LY96: variants seen among roughly 807,000 people sequenced by gnomAD.
LY96 encodes myeloid differentiation protein-2.
Under a neutral mutation model 18.9 loss-of-function variants are expected in LY96, and 18 were observed. The ratio of observed to expected loss-of-function variants is 0.95; its 90% CI spans 0.66 to 1.41. LY96 has a LOEUF of 1.41. Among genes scored for constraint, LY96 ranks in the 40% most tolerant of loss-of-function variants. The pLI is 0.00. For synonymous variants in LY96, 66 were observed against 62.6 expected, an observed-to-expected ratio of 1.06 and a Z score of -0.26; for missense variants, 175 against 182.4, an observed-to-expected ratio of 0.96 and a Z score of 0.23.
chr8:74,070,965 A>G, the LY96 span, among the ~76,000 whole-genome samples: 1 of 152,160 alleles, frequency 6.6e-6, no homozygotes, highest in Non-Finnish European at 1.5e-5. Context: ...AGTGTCAAGC[A>G]TTTTACTACA....
the LY96 span, among the ~76,000 whole-genome samples, chr8:74,061,473 G>C: frequency 6.6e-6 from 1 of 152,178 alleles, no homozygotes; most frequent in Non-Finnish European, 1.5e-5. Context: ...TGAATTTTCG[G>C]GGGATGGAGG....
chr8:74,044,620 A>G, the LY96 span, among the ~76,000 whole-genome samples: 1 of 152,162 alleles, frequency 6.6e-6, no homozygotes, highest in African/African-American at 2.4e-5. Context: ...AAGAGGGCAA[A>G]GCAAATGGAG....
chr8:74,051,668 G>T, the LY96 span, among the ~76,000 whole-genome samples: 1 of 152,140 alleles, frequency 6.6e-6, no homozygotes, highest in African/African-American at 2.4e-5. Flanking sequence ...TTATGAATGG[G>T]ATTAGTGCCT....
At chr8:74,088,338 C>T in the LY96 span, among the ~76,000 whole-genome samples, 1 of 152,134 alleles carries the variant, frequency 6.6e-6, no homozygotes, top group Non-Finnish European at 1.5e-5. Context: ...CTCCTTTTTC[C>T]ACCTCTTTGT....
chr8:74,035,845 T>A, the LY96 span, among the ~76,000 whole-genome samples: 5 of 152,342 alleles, frequency 3.3e-5, no homozygotes, highest in Admixed American at 3.3e-4. Context: ...AATCTACCTA[T>A]GACCTGGAAG....
the LY96 span, among the ~76,000 whole-genome samples, chr8:74,036,420 T>A: frequency 6.6e-6 from 1 of 152,170 alleles, no homozygotes; most frequent in African/African-American, 2.4e-5. Flanking sequence ...AAGGTTTGTG[T>A]CTTTCCCAAT....
chr8:74,042,777 T>C, the LY96 span, among the ~76,000 whole-genome samples: 1 of 151,444 alleles, frequency 6.6e-6, no homozygotes, highest in African/African-American at 2.4e-5. Flanking sequence ...TTTTGTTTTG[T>C]TACCTTTTTT....
chr8:74,025,895 C>T (rs1298560691), intron 3 of LY96, among the ~76,000 whole-genome samples: 1 of 152,060 alleles, frequency 6.6e-6, no homozygotes, highest in Non-Finnish European at 1.5e-5. Context: ...GTAATCTCAG[C>T]TACTCAGGAA....
chr8:74,070,399 C>A, the LY96 span, among the ~76,000 whole-genome samples: 2 of 152,204 alleles, frequency 1.3e-5, no homozygotes, highest in African/African-American at 4.8e-5. Flanking sequence ...CCTCCCTTTG[C>A]CAATTTTCAA....
At chr8:74,032,662 G>C (rs1816989656), downstream of LY96, among the ~76,000 whole-genome samples, 1 of 152,140 alleles carries the variant, frequency 6.6e-6, no homozygotes, top group Non-Finnish European at 1.5e-5. Context: ...TCCACAACTT[G>C]GTGTCTGAGG....
chr8:74,047,998 A>C, the LY96 span, among the ~76,000 whole-genome samples: 2 of 152,136 alleles, frequency 1.3e-5, no homozygotes, highest in African/African-American at 4.8e-5. Context: ...TCCTTGGCTC[A>C]AAAAATCCTC....
chr8:74,052,351 G>A, the LY96 span: 1 of 152,212 alleles, frequency 6.6e-6, no homozygotes, highest in Non-Finnish European at 1.5e-5. Flanking sequence ...CTTGGAAGAA[G>A]GGCTGTAACC....
the LY96 span, among the ~76,000 whole-genome samples, chr8:74,036,277 G>T: frequency 6.6e-6 from 1 of 152,188 alleles, no homozygotes; most frequent in African/African-American, 2.4e-5. Flanking sequence ...TATGGGAGGT[G>T]CCTGAATTCT....
chr8:74,090,823 C>G, the LY96 span, among the ~76,000 whole-genome samples: 2 of 152,158 alleles, frequency 1.3e-5, no homozygotes, highest in Admixed American at 1.3e-4. Context: ...ATATATGAAA[C>G]TAACATTTGA....
At chr8:74,020,268 A>T (rs980498286) in intron 3 of LY96, among the ~76,000 whole-genome samples, 9 of 152,206 alleles carry the variant, frequency 5.9e-5, no homozygotes, top group African/African-American at 2.2e-4. Context: ...ATTCCTATAC[A>T]CCAATAACAG....
At chr8:74,098,266 T>A in the LY96 span, among the ~76,000 whole-genome samples, 5 of 152,110 alleles carry the variant, frequency 3.3e-5, no homozygotes, top group East Asian at 9.6e-4. Context: ...GGAAACTGTA[T>A]AAAAAAGTAA....
chr8:74,045,270 A>C, the LY96 span, among the ~76,000 whole-genome samples: 1 of 152,362 alleles, frequency 6.6e-6, no homozygotes, highest in Non-Finnish European at 1.5e-5. Context: ...AAGCTGTTTC[A>C]TGCCTTAACA....
chr8:74,079,885 A>ATG, the LY96 span, among the ~76,000 whole-genome samples: 25 of 151,484 alleles, frequency 1.7e-4, no homozygotes, highest in East Asian at 3.9e-4. Context: ...GACTTAAAAA[A>ATG]TGTGTGTGTG....
At chr8:74,060,878 C>G in the LY96 span, among the ~76,000 whole-genome samples, 2 of 152,202 alleles carry the variant, frequency 1.3e-5, no homozygotes, top group South Asian at 4.1e-4. Context: ...TTCTGGTAAT[C>G]CAGTTTTCCG....
Sources: gnomAD v4.1 joint callset for allele counts (sites outside exome capture counted in the v4.1 genomes callset) on GRCh38, gnomAD v4.1.1 for gene constraint, MANE v1.5 for transcripts, NCBI Gene and HGNC (gene_info 2026-07-23, HGNC 2026-07-21) for gene names.